The following OR10G3 variants were observed in gnomAD, a reference collection of about 807,000 sequenced individuals.
OR10G3 encodes the protein olfactory receptor family 10 subfamily G member 3, also known as olfactory receptor 10G3.
In OR10G3, 8 loss-of-function variants were observed where a neutral mutation model predicts 13.4. The observed-to-expected ratio is 0.60, with a 90% CI of 0.35 to 1.08. The LOEUF (loss-of-function observed/expected upper bound fraction) is 1.08, where lower values mean the gene tolerates loss of function less well. OR10G3 is among the 50% of genes least tolerant of loss of function. The probability of loss-of-function intolerance (pLI) is 0.02; values close to 1 mark genes in which losing one functional copy is unlikely to be tolerated. For synonymous variants in OR10G3, 142 were observed against 156.1 expected, an observed-to-expected ratio of 0.91 and a Z score of 0.67; for missense variants, 393 against 386.6, an observed-to-expected ratio of 1.02 and a Z score of -0.14.
At chr14:21,573,706 G>A (rs1181701524) in intron 1 of OR10G3, among the ~76,000 whole-genome samples, 1 of 151,524 alleles carries the variant, frequency 6.6e-6, no homozygotes, top group Non-Finnish European at 1.5e-5. Context: ...AGTTAGACAG[G>A]AAAAGTGAGT....
Position 21,579,861 on chromosome 14 carries a change from T to C in OR10G3, c.-93A>G, listed in dbSNP as rs1876852585. The C allele has an allele frequency of 1.3e-5, 2 of 152,226 alleles. No homozygotes were observed. The highest frequency in any genetic ancestry group is 2.1e-4 in the South Asian group (1 of 4,832). The allele number at this position is 152,226 out of a possible 1,614,324, so 9.4% of individuals were successfully genotyped here. A position where few individuals can be genotyped will look rare whatever the true frequency, so the allele number is the denominator to read the frequency against. On this transcript the variant is annotated 5_prime_UTR_variant, in exon 1 of 2. Transcript: ENST00000641040. ...GATACAAATCTATTCCTAAGGAATC[T>C]TGAATATCTCATAGGTCAGCAGCAA... is the stretch of plus-strand genomic sequence containing the variant.
In OR10G3 at chr14:21,579,897, G is replaced by A. The variant is rs1876853175; in HGVS notation, c.-129C>T. 1 of 152,200 alleles carries A rather than the reference G, an allele frequency of 6.6e-6. No homozygotes were observed. Among genetic ancestry groups the A allele is most frequent in the Non-Finnish European group, 1.5e-5 (1 of 68,040 alleles). 9.4% of individuals were successfully genotyped at this position (152,200 alleles called of 1,614,324 possible). ...ATAGGTCAGCAGCAATTATTGTGAAGAGCTCGTGGCAGAAGACCCAACTAA... is the reference window on the plus strand; with the variant it reads ...ATAGGTCAGCAGCAATTATTGTGAAAAGCTCGTGGCAGAAGACCCAACTAA... On this transcript the variant is annotated 5_prime_UTR_variant, in exon 1 of 2. Transcript: ENST00000641040.
rs1351443843 is a variant in OR10G3 at position 21,569,900 on chromosome 14, G to A, written c.845C>T (p.Pro282Leu). Reference sequence around the variant, plus strand: ...AGTGTAGATAAGGGGGTTGAGGAAAGGAGTGATGGCCGTGGGGACTAGGGC... The same window carrying A: ...AGTGTAGATAAGGGGGTTGAGGAAAAGAGTGATGGCCGTGGGGACTAGGGC... ...AAALVPTAIT[P>L]FLNPLIYTLR... Residue 282 changes from proline to leucine, a missense_variant, in exon 2 of 2, where the codon CCT becomes CTT. By Grantham distance (98) the Pro-to-Leu change is moderately conservative (BLOSUM62 -3). Transcript: ENST00000641040. The A allele has an allele frequency of 6.2e-7, 1 of 1,604,114 alleles. No individual in the cohort carries two copies.
intron 1 of OR10G3, among the ~76,000 whole-genome samples, chr14:21,571,649 T>G (rs2139711097): frequency 1.3e-5 from 2 of 151,718 alleles, no homozygotes; most frequent in Middle Eastern, 6.9e-3. Flanking sequence ...AGAATTATTT[T>G]AAGTTCTTAG....
At chr14:21,576,839 A>T (rs1233022911) in intron 1 of OR10G3, among the ~76,000 whole-genome samples, 2 of 152,176 alleles carry the variant, frequency 1.3e-5, no homozygotes, top group Non-Finnish European at 2.9e-5. Context: ...CTTTGTCCTT[A>T]GATTTCAGAA....
rs140891960 is a variant in OR10G3 at position 21,573,853 on chromosome 14, C to A, written c.-17-3092G>T. Among the ~76,000 whole-genome samples, 5 of 152,218 alleles carry A rather than the reference C, an allele frequency of 3.3e-5. No individual in the cohort carries two copies. The East Asian group carries it at 9.7e-4, about 29-fold the overall frequency. ...AGGCAATGGATATGTTAGTTTGATA[C>A]AATCATTCTACAATGTATATGCATC... On this transcript the variant is annotated intron_variant, in intron 1 of 1. Coordinates refer to ENST00000641040, the MANE Select transcript of OR10G3 (RefSeq NM_001005465.2).
intron 1 of OR10G3, among the ~76,000 whole-genome samples, chr14:21,573,205 G>A (rs61971793): frequency 0.11 from 17,255 of 152,050 alleles, 1,163 homozygotes; most frequent in Middle Eastern, 0.18. Context: ...GAATGAACCT[G>A]GAAGACATTA....
At chr14:21,571,403 G>A (rs976017845) in intron 1 of OR10G3, among the ~76,000 whole-genome samples, 1 of 150,390 alleles carries the variant, frequency 6.6e-6, no homozygotes, top group Non-Finnish European at 1.5e-5. Context: ...CCATGAAGCT[G>A]TAAGTACATA....
At chr14:21,572,555 C>T (rs932468975) in intron 1 of OR10G3, among the ~76,000 whole-genome samples, 16 of 137,818 alleles carry the variant, frequency 1.2e-4, no homozygotes, top group East Asian at 2.2e-4. Flanking sequence ...AGAGATTGCA[C>T]GGCTGTACTC....
chr14:21,569,521 A>T lies in OR10G3; in HGVS notation c.*282T>A. ...TGGTGTGGGAGAATTTATTACTGAG[A>T]CATTGGAAAATACACTATTGCATTC... On this transcript the variant is annotated 3_prime_UTR_variant, in exon 2 of 2. Coordinates refer to ENST00000641040, the MANE Select transcript of OR10G3 (RefSeq NM_001005465.2). The T allele has an allele frequency of 3.3e-6, 1 of 306,920 alleles. No homozygotes were observed. The highest frequency in any genetic ancestry group is 5.5e-5 in the South Asian group (1 of 18,302). 19.0% of individuals were successfully genotyped at this position (306,920 alleles called of 1,614,324 possible). A position where few individuals can be genotyped will look rare whatever the true frequency, so the allele number is the denominator to read the frequency against.
chr14:21,571,410 CATAA>C (rs148540766), intron 1 of OR10G3, among the ~76,000 whole-genome samples: 11,449 of 152,198 alleles, frequency 0.075, 769 homozygotes, highest in Admixed American at 0.21. Flanking sequence ...GCTGTAAGTA[CATAA>C]ATAAAGTGAG....
At chr14:21,571,182 G>A (rs1893064637) in intron 1 of OR10G3, among the ~76,000 whole-genome samples, 1 of 152,192 alleles carries the variant, frequency 6.6e-6, no homozygotes, top group Non-Finnish European at 1.5e-5. Context: ...ATGTGAGAAA[G>A]GGTATTTGTT....
intron 1 of OR10G3, among the ~76,000 whole-genome samples, chr14:21,578,827 A>C (rs1046500103): frequency 2.0e-5 from 3 of 152,220 alleles, no homozygotes; most frequent in Non-Finnish European, 4.4e-5. Context: ...AAGATGAATA[A>C]CAATGGAACA....
rs1277454084 is a variant in OR10G3, at chr14:21,570,264, C to T, written c.481G>A (p.Ala161Thr). ...TAGGGCAGGCGGAAGGTTAGGATGG[C>T]CTGGAGAGCCCCATGGATGGATCCT... ...MAGSIHGALQ[A>T]ILTFRLPYCG... The change falls in exon 2 of 2, where the codon GCC becomes ACC. Residue 161 changes from alanine to threonine, a missense_variant. Transcript: ENST00000641040. 1 of 1,614,182 alleles carries T rather than the reference C, an allele frequency of 6.2e-7. No homozygotes were observed. The highest frequency in any genetic ancestry group is 8.5e-7 in the Non-Finnish European group (1 of 1,180,026).
At chr14:21,572,652 A>C (rs987402839) in intron 1 of OR10G3, among the ~76,000 whole-genome samples, 1 of 151,560 alleles carries the variant, frequency 6.6e-6, no homozygotes, top group African/African-American at 2.4e-5. Context: ...GGTTGGAATA[A>C]TGAGCTTTTA....
At chr14:21,570,793 G>C (rs1893061017) in intron 1 of OR10G3, 32 bp from the exon 2 acceptor site, 5 of 1,263,818 alleles carry the variant, frequency 4.0e-6, no homozygotes, top group African/African-American at 1.5e-5. Flanking sequence ...AATTAACATA[G>C]AGGTGAGAGG....
intron 1 of OR10G3, among the ~76,000 whole-genome samples, chr14:21,571,072 C>G (rs750594148): frequency 6.6e-6 from 1 of 152,058 alleles, no homozygotes; most frequent in African/African-American, 2.4e-5. Context: ...AAAGTTTGCA[C>G]CGAGGGTTTT....
At chr14:21,572,315 A>AAAAAAAAAAAAAAAAAAC (rs1893079859) in intron 1 of OR10G3, among the ~76,000 whole-genome samples, 1 of 134,274 alleles carries the variant, frequency 7.4e-6, no homozygotes, top group African/African-American at 2.8e-5. Context: ...AAAAAAAAAA[A>AAAAAAAAAAAAAAAAAAC]AGGCCAGGTG....
At chr14:21,572,907 T>G (rs2141962) in intron 1 of OR10G3, among the ~76,000 whole-genome samples, 54,198 of 152,058 alleles carry the variant, frequency 0.36, 10,209 homozygotes, top group Admixed American at 0.52. Context: ...CTTTGGCTAT[T>G]TGGTATCTTT....
Sources: allele counts gnomAD v4.1 joint callset (sites outside exome capture counted in the v4.1 genomes callset), GRCh38; gene constraint gnomAD v4.1.1; transcripts MANE v1.5; gene names NCBI Gene and HGNC (gene_info 2026-07-23, HGNC 2026-07-21).